Variants in ILRUN observed in about 807,000 individuals in gnomAD.
The protein encoded by ILRUN is protein ILRUN.
In ILRUN, 3 loss-of-function variants were observed where a neutral mutation model predicts 33.8. That is an observed-to-expected ratio of 0.09 (90% CI 0.04 to 0.23). The LOEUF (loss-of-function observed/expected upper bound fraction) is 0.23, where lower values mean the gene tolerates loss of function less well. Among genes scored for constraint, ILRUN ranks in the 10% least tolerant of loss-of-function variants. The pLI, the probability that ILRUN is intolerant of heterozygous loss-of-function variation, is 1.00. For missense variants in ILRUN, 210 were observed against 375.1 expected (o/e 0.56, Z 3.64); for synonymous variants, 124 against 138.9 (o/e 0.89, Z 0.75).
At chr6:34,638,569 A>G (rs920079528) in intron 3 of ILRUN, among the ~76,000 whole-genome samples, 1 of 151,582 alleles carries the variant, frequency 6.6e-6, no homozygotes, top group African/African-American at 2.4e-5. Context: ...ACCAAAAACA[A>G]AAACCCATGC....
chr6:34,689,515 T>A (rs1763602552), intron 1 of ILRUN, among the ~76,000 whole-genome samples: 1 of 152,108 alleles, frequency 6.6e-6, no homozygotes, highest in African/African-American at 2.4e-5. Context: ...TTCCTTACCC[T>A]CTTCCTAAAA....
intron 4 of ILRUN, among the ~76,000 whole-genome samples, chr6:34,603,504 G>A (rs530143379): frequency 6.6e-6 from 1 of 151,996 alleles, no homozygotes; most frequent in East Asian, 1.9e-4. Flanking sequence ...GCGTAGTGGC[G>A]GGCGCCTGTG....
In ILRUN at chr6:34,644,835, T is replaced by C. The variant is rs1762536183; in HGVS notation, c.511+1766A>G. Among the ~76,000 whole-genome samples the C allele has an allele frequency of 1.3e-5, 2 of 151,418 alleles. 1 individual carries two copies. Among genetic ancestry groups the C allele is most frequent in the South Asian group, 4.2e-4 (2 of 4,794 alleles). On this transcript the variant is annotated intron_variant, in intron 3 of 4. Coordinates refer to ENST00000374023, the MANE Select transcript of ILRUN (RefSeq NM_024294.4). ...GAGGATGAGCAGCAGTTTGGTGAAA[T>C]AAAAGGATATTTCAGGCAATGAGAC...
intron 1 of ILRUN, among the ~76,000 whole-genome samples, chr6:34,695,116 T>A (rs1289405753): frequency 6.6e-6 from 1 of 151,476 alleles, no homozygotes; most frequent in Non-Finnish European, 1.5e-5. Flanking sequence ...ACACTCCTAC[T>A]AATAGATGAG....
intron 1 of ILRUN, among the ~76,000 whole-genome samples, chr6:34,667,710 C>T (rs1311406773): frequency 6.6e-6 from 1 of 152,180 alleles, no homozygotes; most frequent in Non-Finnish European, 1.5e-5. Context: ...GACATAGCAT[C>T]ATCTATGTAT....
intron 4 of ILRUN, among the ~76,000 whole-genome samples, chr6:34,596,766 G>C (rs1324278518): frequency 6.6e-6 from 1 of 152,166 alleles, no homozygotes; most frequent in African/African-American, 2.4e-5. Flanking sequence ...GTTCAACCAG[G>C]CCTTCTGATT....
At chr6:34,635,811 G>A (rs2127351998) in intron 3 of ILRUN, among the ~76,000 whole-genome samples, 1 of 152,040 alleles carries the variant, frequency 6.6e-6, no homozygotes, top group East Asian at 1.9e-4. Flanking sequence ...TTGTAGAGGT[G>A]GGGTTTCACC....
chr6:34,638,725 A>G (rs1041581180), intron 3 of ILRUN, among the ~76,000 whole-genome samples: 7 of 152,100 alleles, frequency 4.6e-5, no homozygotes, highest in Non-Finnish European at 8.8e-5. Flanking sequence ...AAAAAAACAA[A>G]AATGGAATCT....
In ILRUN at chr6:34,696,556, G is replaced by T; in HGVS notation, c.48C>A (p.Phe16Leu). 1.9e-6 allele frequency: 3 copies of T among 1,613,086 alleles called. No individual in the cohort carries two copies. Among genetic ancestry groups the T allele is most frequent in the Non-Finnish European group, 2.5e-6 (3 of 1,179,824 alleles). Residue 16 changes from phenylalanine (F) to leucine (L), a missense_variant, in exon 1 of 5, where the codon TTC becomes TTA. Phe to Leu is a conservative substitution (Grantham distance 22). Transcript: ENST00000374023. ...VDLDPELMQK[F>L]SCLGTTDKDV... ...CCTTGTCGGTGGTGCCCAGGCAGCT[G>T]AACTTCTGCATCAGCTCCGGGTCCA...
At chr6:34,676,641 T>A (rs1309605214) in intron 1 of ILRUN, among the ~76,000 whole-genome samples, 3 of 151,952 alleles carry the variant, frequency 2.0e-5, no homozygotes, top group Non-Finnish European at 4.4e-5. Context: ...TAGCTGGGAC[T>A]ACAGGTGCAC....
intron 2 of ILRUN, among the ~76,000 whole-genome samples, chr6:34,652,654 T>G (rs1762692770): frequency 6.6e-6 from 1 of 151,784 alleles, no homozygotes; most frequent in Admixed American, 6.6e-5. Flanking sequence ...GTCCTCAGAG[T>G]TTTAAATCAT....
At chr6:34,594,434 GA>G (rs974611678) in intron 4 of ILRUN, among the ~76,000 whole-genome samples, 1 of 152,146 alleles carries the variant, frequency 6.6e-6, no homozygotes, top group Non-Finnish European at 1.5e-5. Flanking sequence ...CTCAAACCCA[GA>G]AAAAAACTCT....
intron 1 of ILRUN, among the ~76,000 whole-genome samples, chr6:34,667,312 A>T (rs955673551): frequency 2.6e-5 from 4 of 152,222 alleles, no homozygotes; most frequent in African/African-American, 9.6e-5. Context: ...TTAGGCTCAC[A>T]ATGTTAAACT....
At chr6:34,680,776 C>A (rs891651813) in intron 1 of ILRUN, among the ~76,000 whole-genome samples, 11 of 151,136 alleles carry the variant, frequency 7.3e-5, no homozygotes, top group South Asian at 6.2e-4. Context: ...TTTTTTTTAA[C>A]TTTTTGCCAA....
intron 1 of ILRUN, among the ~76,000 whole-genome samples, chr6:34,678,712 G>A (rs546964735): frequency 5.9e-5 from 9 of 151,300 alleles, no homozygotes; most frequent in Admixed American, 2.0e-4. Context: ...AAAATTAGCC[G>A]GGTGTGGTGG....
chr6:34,680,730 C>T (rs931453490), intron 1 of ILRUN, among the ~76,000 whole-genome samples: 1 of 152,074 alleles, frequency 6.6e-6, no homozygotes, highest in Non-Finnish European at 1.5e-5. Context: ...TGAGCCATCA[C>T]GACTGGCCTA....
intron 4 of ILRUN, among the ~76,000 whole-genome samples, chr6:34,596,211 C>T (rs1481407910): frequency 2.0e-5 from 3 of 152,204 alleles, no homozygotes; most frequent in South Asian, 2.1e-4. Context: ...CTGACTACTC[C>T]GGGAGGCTTG....
intron 1 of ILRUN, among the ~76,000 whole-genome samples, chr6:34,674,317 G>T (rs957990235): frequency 6.6e-6 from 1 of 152,162 alleles, no homozygotes; most frequent in Admixed American, 6.5e-5. Context: ...GTGAGCCACC[G>T]CGCCCGGCCC....
At position 34,696,518 on chromosome 6, in the gene ILRUN, G is replaced by C; in HGVS notation, c.86C>G (p.Ser29Cys). The C allele has an allele frequency of 6.2e-7, 1 of 1,613,326 alleles. No homozygotes were observed. Among genetic ancestry groups the C allele is most frequent in the East Asian group, 2.2e-5 (1 of 44,848 alleles). ...GAAGCCGAGCAGCCTCTGGAACTCG[G>C]AGATGAGCACGTCCTTGTCGGTGGT... Reference protein sequence around the residue: ...LGTTDKDVLISEFQRLLGFQL... With the variant: ...LGTTDKDVLICEFQRLLGFQL... Residue 29 changes from serine (S) to cysteine (C), a missense_variant, in exon 1 of 5, where the codon TCC becomes TGC. Around this residue, in one of 4 missense-constraint regions of ILRUN, gnomAD observed 61 missense variants for 94.4 expected, o/e 0.65. Coordinates refer to ENST00000374023, the MANE Select transcript of ILRUN (RefSeq NM_024294.4).
Sources: gnomAD v4.1 joint callset for allele counts (sites outside exome capture counted in the v4.1 genomes callset) on GRCh38, gnomAD v4.1.1 for gene constraint, gnomAD v4.1.1 regional missense constraint, MANE v1.5 for transcripts, NCBI Gene and HGNC (gene_info 2026-07-23, HGNC 2026-07-21) for gene names.